PDE7B: variants seen among roughly 807,000 people sequenced by gnomAD.
The protein encoded by PDE7B is 3',5'-cyclic-AMP phosphodiesterase 7B.
Under a neutral mutation model 56.2 loss-of-function variants are expected in PDE7B, and 29 were observed. That is an observed-to-expected ratio of 0.52 (90% CI 0.38 to 0.70). PDE7B has a LOEUF of 0.70. Among genes scored for constraint, PDE7B ranks in the 30% least tolerant of loss-of-function variants. The pLI is 0.00. For synonymous variants in PDE7B, 197 were observed against 196.9 expected (o/e 1.00, Z 0.00); for missense variants, 490 against 565.0 (o/e 0.87, Z 1.35).
intron 2 of PDE7B, among the ~76,000 whole-genome samples, chr6:135,947,906 AAC>A (rs2128199527): frequency 6.6e-6 from 1 of 152,206 alleles, no homozygotes; most frequent in East Asian, 1.9e-4. Flanking sequence ...CACAGTACAA[AAC>A]CCTTACTTAG....
chr6:136,187,281 T>C (rs1175508612), intron 12 of PDE7B, among the ~76,000 whole-genome samples, 165 bp downstream of exon 12: 1 of 152,248 alleles, frequency 6.6e-6, no homozygotes, highest in African/African-American at 2.4e-5. Flanking sequence ...ATGACTAATC[T>C]ACTAGCTAAT....
chr6:136,088,995 C>CA (rs59630761), intron 2 of PDE7B, among the ~76,000 whole-genome samples: 4,776 of 136,352 alleles, frequency 0.035, 220 homozygotes, highest in African/African-American at 0.12. Context: ...TTTCCCCCGC[C>CA]AAAAAAAAAA....
chr6:136,027,552 C>G (rs1776174074), intron 2 of PDE7B, among the ~76,000 whole-genome samples: 1 of 151,988 alleles, frequency 6.6e-6, no homozygotes, highest in Non-Finnish European at 1.5e-5. Context: ...GTAAAAATTT[C>G]TAAGACACTG....
intron 1 of PDE7B, among the ~76,000 whole-genome samples, chr6:135,896,625 C>T (rs1027766640): frequency 1.4e-4 from 22 of 151,946 alleles, no homozygotes; most frequent in African/African-American, 4.4e-4. Flanking sequence ...ATGTTACTGT[C>T]CCCATTTTAC....
chr6:135,918,900 G>A (rs1053035820), intron 1 of PDE7B, among the ~76,000 whole-genome samples: 22 of 152,098 alleles, frequency 1.4e-4, no homozygotes, highest in African/African-American at 5.3e-4. Flanking sequence ...TGGCTAGTAT[G>A]TTTTCACATG....
intron 12 of PDE7B, among the ~76,000 whole-genome samples, chr6:136,187,843 G>A (rs928521997): frequency 2.0e-5 from 3 of 152,074 alleles, no homozygotes; most frequent in Admixed American, 1.3e-4. Context: ...ACTCCATCAC[G>A]TCCACCCACC....
chr6:136,184,804 T>C (rs113021133), intron 11 of PDE7B, among the ~76,000 whole-genome samples: 6 of 152,136 alleles, frequency 3.9e-5, no homozygotes, highest in African/African-American at 1.4e-4. Flanking sequence ...CAACTAAGAA[T>C]AAATTATCAA....
At chr6:136,023,106 A>C (rs1041139877) in intron 2 of PDE7B, among the ~76,000 whole-genome samples, 1 of 152,160 alleles carries the variant, frequency 6.6e-6, no homozygotes, top group African/African-American at 2.4e-5. Flanking sequence ...CTGAGTCTCC[A>C]TCAGGCACTG....
chr6:136,058,185 G>A (rs1000522740), intron 2 of PDE7B, among the ~76,000 whole-genome samples: 1 of 152,116 alleles, frequency 6.6e-6, no homozygotes, highest in Non-Finnish European at 1.5e-5. Context: ...CAAAAATCAG[G>A]GGTTTTGTAA....
chr6:135,898,574 C>A (rs1775942689), intron 1 of PDE7B, among the ~76,000 whole-genome samples: 1 of 152,016 alleles, frequency 6.6e-6, no homozygotes, highest in African/African-American at 2.4e-5. Flanking sequence ...GAACATAGAG[C>A]AATTTTGGTC....
At chr6:136,152,660 C>T (rs892760571) in intron 6 of PDE7B, among the ~76,000 whole-genome samples, 6 of 152,202 alleles carry the variant, frequency 3.9e-5, no homozygotes, top group Non-Finnish European at 7.4e-5. Context: ...GTGAATTTTT[C>T]AGGGGACATT....
chr6:135,878,696 T>A (rs892231808), intron 1 of PDE7B, among the ~76,000 whole-genome samples: 1 of 152,198 alleles, frequency 6.6e-6, no homozygotes, highest in African/African-American at 2.4e-5. Context: ...TTAGCATTCT[T>A]TATTCTCACC....
chr6:135,914,489 T>TAAGACTCATTCCTGGCCTGGCG (rs1562437174), intron 1 of PDE7B, among the ~76,000 whole-genome samples: 2 of 29,798 alleles, frequency 6.7e-5, no homozygotes, highest in Admixed American at 3.5e-4. Context: ...ATAATGCTTT[T>TAAGACTCATTCCTGGCCTGGCG]TTTTTTTTTT....
chr6:135,937,999 T>C (rs1774450718), intron 1 of PDE7B, among the ~76,000 whole-genome samples: 1 of 152,218 alleles, frequency 6.6e-6, no homozygotes, highest in African/African-American at 2.4e-5. Context: ...TGGTTTCTCA[T>C]ATATTACATT....
At chr6:136,179,271 T>C (rs1239447914) in intron 10 of PDE7B, 130 bp downstream of exon 10, 1 of 749,192 alleles carries the variant, frequency 1.3e-6, no homozygotes, top group Non-Finnish European at 2.3e-6. Flanking sequence ...AGTCCATGAG[T>C]TCAAGGCTAC....
chr6:136,153,622 C>T (rs1410584810), intron 6 of PDE7B, among the ~76,000 whole-genome samples: 1 of 152,148 alleles, frequency 6.6e-6, no homozygotes, highest in African/African-American at 2.4e-5. Flanking sequence ...ATTTGTTATT[C>T]AAGTGTTAAA....
At chr6:136,186,990 G>A (rs778234504) in intron 11 of PDE7B, 46 bp from the exon 12 acceptor site, 2 of 955,572 alleles carry the variant, frequency 2.1e-6, no homozygotes, top group Non-Finnish European at 3.4e-6. Flanking sequence ...CATTTTATAA[G>A]TTCTAGATTA....
At chr6:136,095,442 C>A (rs1437288151) in intron 2 of PDE7B, among the ~76,000 whole-genome samples, 4 of 152,132 alleles carry the variant, frequency 2.6e-5, no homozygotes, top group Admixed American at 2.6e-4. Flanking sequence ...CATGTGATTT[C>A]ATTGATTCAT....
At chr6:135,921,925 C>G (rs991010095) in intron 1 of PDE7B, among the ~76,000 whole-genome samples, 4 of 152,108 alleles carry the variant, frequency 2.6e-5, no homozygotes, top group African/African-American at 9.7e-5. Context: ...AAAAATAAAA[C>G]TTACTGGAGT....
Sources: allele counts gnomAD v4.1 joint callset (sites outside exome capture counted in the v4.1 genomes callset), GRCh38; gene constraint gnomAD v4.1.1; transcripts MANE v1.5; gene names NCBI Gene and HGNC (gene_info 2026-07-23, HGNC 2026-07-21).